Variants in UNC79 observed in about 807,000 individuals in gnomAD.
UNC79 encodes the protein unc-79 subunit of NALCN channel complex.
Under a neutral mutation model 283.1 loss-of-function variants are expected in UNC79, and 37 were observed. The ratio of observed to expected loss-of-function variants is 0.13; its 90% CI spans 0.10 to 0.17. UNC79 has a LOEUF of 0.17. Ranked by LOEUF, UNC79 falls within the 10% of genes least tolerant of loss-of-function variation. UNC79 has a pLI of 1.00. For missense variants in UNC79, 2,272 were observed against 3,211.1 expected (o/e 0.71, Z 7.07); for synonymous variants, 1,107 against 1,200.2 (o/e 0.92, Z 1.61).
chr14:93,473,307 G>A (rs979727295), intron 2 of UNC79, among the ~76,000 whole-genome samples: 1 of 151,980 alleles, frequency 6.6e-6, no homozygotes, highest in Non-Finnish European at 1.5e-5. Context: ...AAAATAAAAT[G>A]TTTCCTCCCC....
intron 7 of UNC79, among the ~76,000 whole-genome samples, chr14:93,511,362 A>T (rs1388885221): frequency 1.3e-5 from 2 of 152,092 alleles, no homozygotes; most frequent in African/African-American, 4.8e-5. Context: ...GGTTTTGCAA[A>T]TCTCCTTTAT....
chr14:93,429,293 C>A (rs954526338), upstream of UNC79, among the ~76,000 whole-genome samples: 1 of 152,224 alleles, frequency 6.6e-6, no homozygotes, highest in East Asian at 1.9e-4. Context: ...AATGGAACTT[C>A]TCTTTGGGAT....
intron 5 of UNC79, among the ~76,000 whole-genome samples, chr14:93,494,463 G>A (rs1245085389): frequency 1.3e-5 from 2 of 152,222 alleles, no homozygotes; most frequent in Non-Finnish European, 2.9e-5. Context: ...ATCTGTTTCA[G>A]ACGTGTTGTG....
chr14:93,384,667 T>G (rs2139995133), intron 1 of UNC79, among the ~76,000 whole-genome samples: 1 of 152,326 alleles, frequency 6.6e-6, no homozygotes. Flanking sequence ...TTTGCTTTGT[T>G]GATTGTGTCC....
In UNC79 at chr14:93,688,642, C is replaced by A. The variant is rs766173910; in HGVS notation, c.6910-23C>A. 1 of 1,606,098 alleles carries A rather than the reference C, an allele frequency of 6.2e-7. No homozygotes were observed. The highest frequency in any genetic ancestry group is 1.1e-5 in the South Asian group (1 of 89,900). ...TGAATCCAGGTGTCTGCCAGAGTTA[C>A]AAAATACCATTCGGTTTTGTAGAGC... On this transcript the variant is annotated intron_variant, in intron 43 of 48. Transcript: ENST00000555664. The surrounding 1 kb of genome is among the most constrained non-coding windows in gnomAD (Gnocchi z 4.0).
Position 93,498,464 on chromosome 14 carries a change from G to GC in UNC79, c.898+1180dup, listed in dbSNP as rs1002658798. Among the ~76,000 whole-genome samples the GC allele has an allele frequency of 1.9e-3, 296 of 151,882 alleles. 1 individual carries two copies. The highest frequency in any genetic ancestry group is 6.6e-3 in the African/African-American group (274 of 41,412). ...ATTTTAGCCGGACGTGGTGGCACGTGCCTCTAGTCCCGGCTGCTTGGGAGG... is the reference window on the plus strand; with the variant it reads ...ATTTTAGCCGGACGTGGTGGCACGTGCCCTCTAGTCCCGGCTGCTTGGGAGG... On this transcript the variant is annotated intron_variant, in intron 7 of 48. Coordinates refer to ENST00000555664, the Ensembl canonical transcript of UNC79.
upstream of UNC79, among the ~76,000 whole-genome samples, chr14:93,428,984 A>C (rs1305200032): frequency 6.6e-6 from 1 of 152,228 alleles, no homozygotes; most frequent in East Asian, 1.9e-4. Context: ...AAGATTGTTA[A>C]GCAGATAAAG....
At chr14:93,615,404 T>C (rs2066625896) in intron 27 of UNC79, among the ~76,000 whole-genome samples, 1 of 152,004 alleles carries the variant, frequency 6.6e-6, no homozygotes, top group African/African-American at 2.4e-5. Flanking sequence ...TAAGTCCACA[T>C]TATGCATGTC....
At chr14:93,346,805 G>T (rs1176846153) in intron 1 of UNC79, among the ~76,000 whole-genome samples, 1 of 152,132 alleles carries the variant, frequency 6.6e-6, no homozygotes, top group Non-Finnish European at 1.5e-5. Flanking sequence ...GATACTTAGT[G>T]TGAGGTGGGG....
chr14:93,681,481 C>T (rs1473688814), intron 41 of UNC79, among the ~76,000 whole-genome samples: 2 of 152,208 alleles, frequency 1.3e-5, no homozygotes, highest in Non-Finnish European at 2.9e-5. Flanking sequence ...TCCTTTGTTC[C>T]ATGCCTCCTT....
intron 1 of UNC79, among the ~76,000 whole-genome samples, chr14:93,403,278 T>G (rs891055717): frequency 6.6e-6 from 1 of 152,206 alleles, no homozygotes; most frequent in African/African-American, 2.4e-5. Flanking sequence ...CTGTCCTTTG[T>G]CCTGCAGCTG....
chr14:93,566,294 C>A (rs1240643197), intron 14 of UNC79, among the ~76,000 whole-genome samples: 1 of 152,124 alleles, frequency 6.6e-6, no homozygotes, highest in African/African-American at 2.4e-5. Flanking sequence ...ATTTCCTAGA[C>A]AAGGGTTTTA....
intron 1 of UNC79, among the ~76,000 whole-genome samples, chr14:93,336,917 AG>A (rs1370660928): frequency 2.0e-5 from 3 of 152,064 alleles, no homozygotes; most frequent in Admixed American, 2.0e-4. Context: ...TGGATCATGA[AG>A]GCAGATCCCT....
chr14:93,414,791 T>C (rs2055416482), intron 1 of UNC79, among the ~76,000 whole-genome samples: 2 of 152,326 alleles, frequency 1.3e-5, no homozygotes, highest in Admixed American at 6.5e-5. Flanking sequence ...TTTGAAGCAA[T>C]TGTGAATGGG....
At chr14:93,592,051 G>A (rs1347346228) in intron 22 of UNC79, among the ~76,000 whole-genome samples, 1 of 151,804 alleles carries the variant, frequency 6.6e-6, no homozygotes, top group African/African-American at 2.4e-5. Context: ...GTAAATGTTT[G>A]TGTGTGTAAG....
chr14:93,437,960 T>C (rs920635493), intron 1 of UNC79, among the ~76,000 whole-genome samples: 21 of 152,330 alleles, frequency 1.4e-4, no homozygotes, highest in Admixed American at 1.1e-3. Flanking sequence ...GACTTGAACA[T>C]ATCTTTTGGG....
exon 47 of UNC79, chr14:93,694,352 T>C (rs2074935676): frequency 2.5e-6 from 4 of 1,611,228 alleles, no homozygotes; most frequent in Non-Finnish European, 2.5e-6. Flanking sequence ...AAATGGTGTG[T>C]CTCCATGTGA....
chr14:93,707,003 T>C, downstream of UNC79: 1 of 1,382,700 alleles, frequency 7.2e-7, no homozygotes. Flanking sequence ...ATATTGGTAC[T>C]GTACATTCTC....
At position 93,347,149 on chromosome 14, in the gene UNC79, C is replaced by G. The variant is rs1036138106; in HGVS notation, c.-351+13626C>G. 1.2e-5 allele frequency: 14 copies of G among 1,210,418 alleles called. No homozygotes were observed. The South Asian group carries it at 2.0e-4, about 18-fold the overall frequency. The allele number at this position is 1,210,418 out of a possible 1,614,324, so 75.0% of individuals were successfully genotyped here. A position where few individuals can be genotyped will look rare whatever the true frequency, so the allele number is the denominator to read the frequency against. ...GGTGGGGTAGGGGGCGAGGGCAGAG[C>G]GCCCCCTCGTGGCTGGGGCGCCTGC... On this transcript the variant is annotated intron_variant, in intron 1 of 49. Coordinates refer to the UNC79 transcript ENST00000256339.
Sources: allele counts gnomAD v4.1 joint callset (sites outside exome capture counted in the v4.1 genomes callset), GRCh38; gene constraint gnomAD v4.1.1; non-coding constraint Gnocchi (gnomAD v3.1); transcripts MANE v1.5; gene names NCBI Gene and HGNC (gene_info 2026-07-23, HGNC 2026-07-21).